Variants in PID1 observed in about 807,000 individuals in gnomAD.
The protein encoded by PID1 is PTB-containing, cubilin and LRP1-interacting protein.
In PID1, 10 loss-of-function variants were observed where a neutral mutation model predicts 19.1. The ratio of observed to expected loss-of-function variants is 0.52; its 90% CI spans 0.32 to 0.89. PID1 has a LOEUF of 0.89. PID1 is among the 40% of genes least tolerant of loss of function. The pLI is 0.03. For synonymous variants in PID1, 130 were observed against 116.0 expected (o/e 1.12, Z -0.78); for missense variants, 248 against 285.3 (o/e 0.87, Z 0.94).
intron 1 of PID1, among the ~76,000 whole-genome samples, chr2:229,264,386 A>G (rs535743457): frequency 6.6e-6 from 1 of 152,312 alleles, no homozygotes; most frequent in East Asian, 1.9e-4. Flanking sequence ...AGGAGATATA[A>G]GAGGTATGTC....
chr2:229,163,434 T>C (rs554110988), intron 1 of PID1, among the ~76,000 whole-genome samples: 2 of 152,206 alleles, frequency 1.3e-5, no homozygotes, highest in Admixed American at 6.5e-5. Flanking sequence ...ATGGCTATTA[T>C]TAAGCTAACT....
chr2:229,132,391 A>T (rs1355915624), intron 2 of PID1, among the ~76,000 whole-genome samples: 2 of 152,186 alleles, frequency 1.3e-5, no homozygotes, highest in Non-Finnish European at 2.9e-5. Flanking sequence ...GAACCACATG[A>T]TTCAGCATAA....
chr2:229,042,930 T>G (rs1693799739), intron 2 of PID1, among the ~76,000 whole-genome samples: 1 of 152,098 alleles, frequency 6.6e-6, no homozygotes, highest in African/African-American at 2.4e-5. Flanking sequence ...TATTAGATTT[T>G]TTTCTTTTTT....
intron 2 of PID1, among the ~76,000 whole-genome samples, chr2:229,040,118 T>TG (rs761263346): frequency 2.1e-3 from 271 of 126,194 alleles, no homozygotes; most frequent in Middle Eastern, 4.1e-3. Context: ...TATTGTTATG[T>TG]GGAAAAAAAA....
At chr2:229,144,354 T>G (rs141686074) in intron 2 of PID1, among the ~76,000 whole-genome samples, 17 of 152,012 alleles carry the variant, frequency 1.1e-4, no homozygotes, top group African/African-American at 4.1e-4. Flanking sequence ...CAGGGTGAGA[T>G]CCCCAGGAGG....
intron 2 of PID1, among the ~76,000 whole-genome samples, chr2:229,089,297 T>C (rs748328805): frequency 5.9e-5 from 9 of 152,230 alleles, no homozygotes; most frequent in Non-Finnish European, 1.0e-4. Context: ...TTATAAACTT[T>C]GAAAGGCAGT....
chr2:229,219,535 G>A (rs1355545069), intron 1 of PID1, among the ~76,000 whole-genome samples: 1 of 152,090 alleles, frequency 6.6e-6, no homozygotes, highest in Non-Finnish European at 1.5e-5. Flanking sequence ...TGAGATTTGG[G>A]TGGGGACACA....
intron 1 of PID1, among the ~76,000 whole-genome samples, chr2:229,269,533 C>A (rs1322211647): frequency 1.3e-5 from 2 of 152,254 alleles, no homozygotes; most frequent in Admixed American, 6.5e-5. Flanking sequence ...TCTCTAAGGA[C>A]TTCCAAAAGC....
intron 1 of PID1, among the ~76,000 whole-genome samples, chr2:229,245,296 C>T (rs1689971590): frequency 6.6e-6 from 1 of 152,070 alleles, no homozygotes; most frequent in Non-Finnish European, 1.5e-5. Context: ...GAAAATGATG[C>T]TTCTTGTAAC....
At chr2:229,141,878 A>ATAG (rs367954265) in intron 2 of PID1, among the ~76,000 whole-genome samples, 1 of 48,656 alleles carries the variant, frequency 2.1e-5, no homozygotes, top group African/African-American at 1.1e-4. Flanking sequence ...AAACGAATGT[A>ATAG]TATTTTCATT....
At chr2:229,055,852 G>T (rs559816983) in intron 2 of PID1, among the ~76,000 whole-genome samples, 10 of 152,228 alleles carry the variant, frequency 6.6e-5, no homozygotes, top group Admixed American at 3.3e-4. Flanking sequence ...TCCAAAGCAC[G>T]TCCACATAGG....
chr2:229,104,083 AT>A (rs374470867), intron 2 of PID1, among the ~76,000 whole-genome samples: 1 of 151,888 alleles, frequency 6.6e-6, no homozygotes, highest in Non-Finnish European at 1.5e-5. Context: ...TTATTTGTTT[AT>A]TTTTTTACAA....
At chr2:229,161,685 C>G (rs1176021764) in intron 1 of PID1, among the ~76,000 whole-genome samples, 1 of 152,080 alleles carries the variant, frequency 6.6e-6, no homozygotes, top group African/African-American at 2.4e-5. Flanking sequence ...CCAGGTTATC[C>G]ATATCTAAGA....
At position 229,198,823 on chromosome 2, in the gene PID1, T is replaced by C. The variant is rs148877635; in HGVS notation, c.31-42859A>G. 1.9e-3 allele frequency among the ~76,000 whole-genome samples: 291 copies of C among 152,208 alleles called. 1 individual carries two copies. Among genetic ancestry groups the C allele is most frequent in the African/African-American group, 6.2e-3 (258 of 41,544 alleles). Reference sequence around the variant, plus strand: ...AATCTCGTCTCTAAACCAAGTGCAATAGCCTCATAACTGGCCTCCTTGCAT... The same window carrying C: ...AATCTCGTCTCTAAACCAAGTGCAACAGCCTCATAACTGGCCTCCTTGCAT... On this transcript the variant is annotated intron_variant, in intron 1 of 2. Coordinates refer to ENST00000392055, the MANE Select transcript of PID1 (RefSeq NM_001100818.2).
At chr2:229,070,426 T>C (rs549248261) in intron 2 of PID1, among the ~76,000 whole-genome samples, 2 of 152,350 alleles carry the variant, frequency 1.3e-5, no homozygotes, top group South Asian at 4.1e-4. Flanking sequence ...GGGCTCAATA[T>C]GATTCATAGA....
At chr2:229,045,310 G>A in intron 2 of PID1, among the ~76,000 whole-genome samples, 1 of 152,192 alleles carries the variant, frequency 6.6e-6, no homozygotes, top group Admixed American at 6.5e-5. Context: ...TGGTCTATTG[G>A]TGAATAAGTG....
intron 1 of PID1, among the ~76,000 whole-genome samples, chr2:229,194,479 G>T (rs756716629): frequency 2.0e-5 from 3 of 151,756 alleles, no homozygotes; most frequent in Non-Finnish European, 4.4e-5. Context: ...CACATAAGAT[G>T]ATATTACCTC....
chr2:229,027,499 C>T (rs1228522820), intron 2 of PID1, among the ~76,000 whole-genome samples: 1 of 152,140 alleles, frequency 6.6e-6, no homozygotes, highest in African/African-American at 2.4e-5. Flanking sequence ...TCACCCTTGG[C>T]ACCTGCACAG....
chr2:229,169,569 A>G (rs1264997847), intron 1 of PID1, among the ~76,000 whole-genome samples: 1 of 152,170 alleles, frequency 6.6e-6, no homozygotes, highest in East Asian at 1.9e-4. Context: ...GACACAAATA[A>G]AATGTTCTGA....
Sources: allele counts gnomAD v4.1 joint callset (sites outside exome capture counted in the v4.1 genomes callset), GRCh38; gene constraint gnomAD v4.1.1; transcripts MANE v1.5; gene names NCBI Gene and HGNC (gene_info 2026-07-23, HGNC 2026-07-21).